CYB5R3: variants seen among roughly 807,000 people sequenced by gnomAD.
CYB5R3 encodes the protein cytochrome b5 reductase 3.
A neutral mutation model predicts 36.5 loss-of-function variants in CYB5R3; 28 were observed. The observed-to-expected ratio is 0.77, with a 90% confidence interval of 0.57 to 1.05. The LOEUF is 1.05. Among genes scored for constraint, CYB5R3 ranks in the 50% least tolerant of loss-of-function variants. The pLI is 0.00. For synonymous variants in CYB5R3, 181 were observed against 159.8 expected (o/e 1.13, Z -1.00); for missense variants, 474 against 408.9 (o/e 1.16, Z -1.37).
At chr22:42,642,255 G>T (rs1267566629) in intron 1 of CYB5R3, among the ~76,000 whole-genome samples, 3 of 151,828 alleles carry the variant, frequency 2.0e-5, no homozygotes, top group African/African-American at 7.3e-5. Context: ...GGGGCTACAG[G>T]CACGTACCAC....
intron 5 of CYB5R3, among the ~76,000 whole-genome samples, 182 bp downstream of exon 5, chr22:42,627,970 C>G (rs1366206534): frequency 6.6e-6 from 1 of 152,188 alleles, no homozygotes; most frequent in Non-Finnish European, 1.5e-5. Context: ...TGTCTGCAAC[C>G]CCTGTGCCAG....
chr22:42,641,640 C>T (rs1402142424), intron 1 of CYB5R3, among the ~76,000 whole-genome samples: 2 of 152,144 alleles, frequency 1.3e-5, no homozygotes, highest in Non-Finnish European at 2.9e-5. Context: ...CGCCCACCAC[C>T]ACACCCAGTT....
chr22:42,639,336 A>G (rs139273034), intron 1 of CYB5R3, among the ~76,000 whole-genome samples: 44,301 of 120,230 alleles, frequency 0.37, 7,746 homozygotes, highest in South Asian at 0.52. Flanking sequence ...AAAAAAAAAA[A>G]GTGGGGGGGG....
At chr22:42,639,563 G>A (rs969004403) in intron 1 of CYB5R3, among the ~76,000 whole-genome samples, 7 of 151,948 alleles carry the variant, frequency 4.6e-5, no homozygotes, top group African/African-American at 1.7e-4. Context: ...AGGAGGCAGA[G>A]GTTGCAGTGA....
At chr22:42,622,881 C>T (rs898342824) in intron 8 of CYB5R3, among the ~76,000 whole-genome samples, 6 of 152,224 alleles carry the variant, frequency 3.9e-5, no homozygotes, top group East Asian at 1.9e-4. Context: ...GGTGCTCACA[C>T]GGGTATTCAA....
chr22:42,637,100 T>G (rs779975428), intron 1 of CYB5R3, among the ~76,000 whole-genome samples: 1 of 152,176 alleles, frequency 6.6e-6, no homozygotes, highest in Non-Finnish European at 1.5e-5. Context: ...AAAGCTCCAT[T>G]TCCTCTGAAG....
intron 1 of CYB5R3, chr22:42,640,201 G>A: frequency 6.2e-7 from 1 of 1,607,294 alleles, no homozygotes; most frequent in Middle Eastern, 1.7e-4. Flanking sequence ...GGCCAATCGA[G>A]GCTTCAAGTA....
chr22:42,630,842 C>G (rs775152751), intron 4 of CYB5R3, 40 bp downstream of exon 4: 4 of 1,546,384 alleles, frequency 2.6e-6, no homozygotes, highest in Admixed American at 1.8e-5. Flanking sequence ...CATGGCCACC[C>G]ACCCACACCC....
In CYB5R3 at chr22:42,619,974, C is replaced by T. The variant is rs752230883; in HGVS notation, c.734-29G>A. 1.3e-5 allele frequency: 21 copies of T among 1,572,074 alleles called. 1 individual carries two copies. The highest frequency in any genetic ancestry group is 8.1e-5 in the South Asian group (7 of 86,132). On this transcript the variant is annotated intron_variant, in intron 8 of 8. Transcript: ENST00000352397. ...TGGGGTGAGAGACCAGGTAAGCTGA[C>T]GTGTGGCTGTGTGGTCACCAACCTG...
At chr22:42,640,880 A>AAATATATTTGAAAATTTATTTATTTTT (rs1929232291) in intron 1 of CYB5R3, among the ~76,000 whole-genome samples, 2 of 151,618 alleles carry the variant, frequency 1.3e-5, no homozygotes, top group African/African-American at 4.9e-5. Context: ...ATTTTTTGAG[A>AAATATATTTGAAAATTTATTTATTTTT]CGGAGTCTTG....
At chr22:42,648,977 C>A (rs558381941) in intron 1 of CYB5R3, among the ~76,000 whole-genome samples, 1 of 152,332 alleles carries the variant, frequency 6.6e-6, no homozygotes, top group Admixed American at 6.5e-5. Context: ...CTCACAACCA[C>A]GGGTCCCTCC....
chr22:42,625,374 G>A (rs1928208926), intron 7 of CYB5R3, among the ~76,000 whole-genome samples: 1 of 152,200 alleles, frequency 6.6e-6, no homozygotes, highest in Non-Finnish European at 1.5e-5. Context: ...TGGATGTGGT[G>A]GCGGGCACCT....
chr22:42,648,207 C>A (rs1449182189), intron 1 of CYB5R3, among the ~76,000 whole-genome samples: 1 of 116,028 alleles, frequency 8.6e-6, no homozygotes, highest in Non-Finnish European at 2.0e-5. Context: ...CCTGGATCCC[C>A]AAGGAGGAGA....
chr22:42,627,464 T>C, intron 6 of CYB5R3, 75 bp from the exon 7 acceptor site: 2 of 1,532,852 alleles, frequency 1.3e-6, no homozygotes, highest in Non-Finnish European at 1.8e-6. Flanking sequence ...CCAGGTGTAC[T>C]GGGGTGGAGG....
chr22:42,634,872 T>G (rs1487585764), intron 2 of CYB5R3, among the ~76,000 whole-genome samples: 1 of 148,378 alleles, frequency 6.7e-6, no homozygotes, highest in African/African-American at 2.5e-5. Flanking sequence ...TGACACGATC[T>G]CGGCTCACTG....
In CYB5R3 at chr22:42,649,311, C is replaced by T. The variant is rs896288102; in HGVS notation, c.5G>A (p.Gly2Glu). The change falls in exon 1 of 9, where the codon GGG (glycine) becomes GAG (glutamate). Residue 2 changes from glycine (G) to glutamate (E), a missense_variant. Coordinates refer to ENST00000352397, the MANE Select transcript of CYB5R3 (RefSeq NM_000398.7). ...CCCGCCTACCGTGCTGAGCTGGGCCCCCATGGTGGCCCCGCGCCGCGCTCG... is the reference window on the plus strand; with the variant it reads ...CCCGCCTACCGTGCTGAGCTGGGCCTCCATGGTGGCCCCGCGCCGCGCTCG... M[G>E]AQLSTLGHMV... 9.8e-7 allele frequency: 1 copy of T among 1,020,700 alleles called. No individual in the cohort carries two copies. Among genetic ancestry groups the T allele is most frequent in the Non-Finnish European group, 1.2e-6 (1 of 847,456 alleles). The allele number at this position is 1,020,700 out of a possible 1,614,324, so 63.2% of individuals were successfully genotyped here.
intron 7 of CYB5R3, among the ~76,000 whole-genome samples, chr22:42,626,830 C>T (rs1469512980): frequency 2.4e-5 from 2 of 83,382 alleles, no homozygotes; most frequent in African/African-American, 9.1e-5. Context: ...CAGGCCAGGG[C>T]GGGCAGGCAG....
At chr22:42,624,314 G>C (rs1928150935) in intron 7 of CYB5R3, among the ~76,000 whole-genome samples, 1 of 152,202 alleles carries the variant, frequency 6.6e-6, no homozygotes, top group African/African-American at 2.4e-5. Flanking sequence ...AGAAGGCTCA[G>C]GATTTGCACC....
At chr22:42,621,111 G>A (rs1927938203) in intron 8 of CYB5R3, among the ~76,000 whole-genome samples, 1 of 152,158 alleles carries the variant, frequency 6.6e-6, no homozygotes, top group Non-Finnish European at 1.5e-5. Flanking sequence ...AAAACTGCAT[G>A]GGCATAAACT....
Sources: gnomAD v4.1 joint callset for allele counts (sites outside exome capture counted in the v4.1 genomes callset) on GRCh38, gnomAD v4.1.1 for gene constraint, MANE v1.5 for transcripts, NCBI Gene and HGNC (gene_info 2026-07-23, HGNC 2026-07-21) for gene names.